Variants in TGM4 observed in about 807,000 individuals in gnomAD.
The protein encoded by TGM4 is protein-glutamine gamma-glutamyltransferase 4.
In TGM4, 61 loss-of-function variants were observed where a neutral mutation model predicts 76.3. That is an observed-to-expected ratio of 0.80 (90% CI 0.65 to 0.99). The LOEUF (loss-of-function observed/expected upper bound fraction) is 0.99, where lower values mean the gene tolerates loss of function less well. TGM4 is among the 50% of genes least tolerant of loss of function. The probability of loss-of-function intolerance (pLI) is 0.00; values close to 1 mark genes in which losing one functional copy is unlikely to be tolerated. For synonymous variants in TGM4, 337 were observed against 329.8 expected, an observed-to-expected ratio of 1.02 and a Z score of -0.24; for missense variants, 794 against 843.2, an observed-to-expected ratio of 0.94 and a Z score of 0.72.
At position 44,903,922 on chromosome 3, in the gene TGM4, C is replaced by G; in HGVS notation, c.1010C>G (p.Pro337Arg). ...HVWTDAWMKR[P>R]DLPKGYDGWQ... ...TGGACGGATGCCTGGATGAAGCGAC[C>G]GGATCTGCCCAAGGGCTACGACGGC... Residue 337 changes from proline to arginine, a missense_variant, in exon 9 of 14, where the codon CCG becomes CGG. Physicochemically the swap from Pro to Arg is moderately radical, Grantham distance 103 (BLOSUM62 -2). Transcript: ENST00000296125. The G allele has an allele frequency of 6.2e-7, 1 of 1,614,172 alleles. No homozygotes were observed. Among genetic ancestry groups the G allele is most frequent in the Non-Finnish European group, 8.5e-7 (1 of 1,180,024 alleles).
At chr3:44,895,530 G>C (rs531352495) in intron 5 of TGM4, among the ~76,000 whole-genome samples, 2 of 152,122 alleles carry the variant, frequency 1.3e-5, no homozygotes, top group African/African-American at 2.4e-5. Context: ...CTGTGGGGAG[G>C]GGGGACTGCA....
rs185474083 is a variant in TGM4 at position 44,887,723 on chromosome 3, G to A, written c.228G>A (p.Val76=). The A allele has an allele frequency of 6.2e-7, 1 of 1,614,166 alleles. No homozygotes were observed. Among genetic ancestry groups the A allele is most frequent in the East Asian group, 2.2e-5 (1 of 44,878 alleles). The part of the protein sequence containing the change: ...PNPSIAKHTL[V]VLDPRTPSDH... ...CTAGCATCGCCAAACACACCCTGGT[G>A]GTGCTCGACCCGAGGACGCCCTCAG... Residue 76 remains valine, a synonymous_variant, in exon 3 of 14, where the codon GTG becomes GTA. Coordinates refer to ENST00000296125, the MANE Select transcript of TGM4 (RefSeq NM_003241.4).
In TGM4 at chr3:44,901,734, C is replaced by T. The variant is rs747002064; in HGVS notation, c.832+36C>T. ...GATCCAGGGGCTGAGGGGAGAGGTC[C>T]CAAGGGAGGGACTCCCAGCCCCCAC... is the stretch of plus-strand genomic sequence containing the variant. On this transcript the variant is annotated intron_variant, in intron 7 of 13. Transcript: ENST00000296125. 6 of 1,612,694 alleles carry T rather than the reference C, an allele frequency of 3.7e-6. No homozygotes were observed. The Admixed American group carries it at 8.3e-5, about 22-fold the overall frequency.
chr3:44,896,896 TG>T, intron 6 of TGM4, 80 bp downstream of exon 6: 1 of 1,215,738 alleles, frequency 8.2e-7, no homozygotes, highest in Non-Finnish European at 1.2e-6. Context: ...TCATCTAAAC[TG>T]TAAGCTCTTT....
chr3:44,887,979 A>C (rs1272725450), intron 3 of TGM4, 184 bp downstream of exon 3: 1 of 618,974 alleles, frequency 1.6e-6, no homozygotes, highest in Non-Finnish European at 2.9e-6. Flanking sequence ...TCCTCCAAGC[A>C]CACAGTATCG....
At chr3:44,891,534 CACACACAA>C (rs1559613079) in intron 4 of TGM4, among the ~76,000 whole-genome samples, 1 of 152,046 alleles carries the variant, frequency 6.6e-6, no homozygotes, top group African/African-American at 2.4e-5. Flanking sequence ...CACACACACA[CACACACAA>C]GCTTTTTATT....
intron 8 of TGM4, among the ~76,000 whole-genome samples, chr3:44,902,973 GACGTTCTAGTTC>G (rs1448975425): frequency 6.6e-6 from 1 of 152,222 alleles, no homozygotes; most frequent in African/African-American, 2.4e-5. Context: ...ATACTGCTGA[GACGTTCTAGTTC>G]ACGTACCAAG....
chr3:44,890,474 T>G (rs1357585344), intron 3 of TGM4, 129 bp from the exon 4 acceptor site: 3 of 1,366,690 alleles, frequency 2.2e-6, no homozygotes, highest in Non-Finnish European at 3.0e-6. Context: ...GTCCTGACCA[T>G]TCCTTGTCTC....
intron 13 of TGM4, among the ~76,000 whole-genome samples, chr3:44,912,053 A>T (rs1700012850): frequency 6.6e-6 from 1 of 151,150 alleles, no homozygotes; most frequent in African/African-American, 2.4e-5. Flanking sequence ...CTGGTCTTGA[A>T]CTCCTGACCT....
At chr3:44,909,854 T>C (rs952396934) in intron 10 of TGM4, among the ~76,000 whole-genome samples, 2 of 152,254 alleles carry the variant, frequency 1.3e-5, no homozygotes, top group Non-Finnish European at 2.9e-5. Context: ...TCATTGCTTT[T>C]ATGGAGAAGC....
chr3:44,894,889 C>A (rs945842403), intron 5 of TGM4, among the ~76,000 whole-genome samples: 1 of 151,912 alleles, frequency 6.6e-6, no homozygotes, highest in East Asian at 1.9e-4. Flanking sequence ...CACATGAGGA[C>A]CAGAGGGAAA....
Position 44,901,626 on chromosome 3 carries a change from C to A in TGM4, c.760C>A (p.Gln254Lys). The A allele has an allele frequency of 1.2e-6, 2 of 1,614,204 alleles. No homozygotes were observed. Among genetic ancestry groups the A allele is most frequent in the East Asian group, 2.2e-5 (1 of 44,886 alleles). Residue 254 changes from glutamine (Q) to lysine (K), a missense_variant, in exon 7 of 14, where the codon CAG (glutamine) becomes AAG (lysine). By Grantham distance (53) the Gln-to-Lys change is moderately conservative. Coordinates refer to ENST00000296125, the MANE Select transcript of TGM4 (RefSeq NM_003241.4). ...YKWTGSAPILQQYYNTKQAVC... is the reference protein window; with the variant it reads ...YKWTGSAPILKQYYNTKQAVC... The stretch of plus-strand genomic sequence containing the variant: ...GTGGACAGGCAGTGCCCCGATCCTG[C>A]AGCAGTACTACAACACGAAGCAGGC...
At chr3:44,913,379 G>A (rs1182603695) in intron 13 of TGM4, among the ~76,000 whole-genome samples, 1 of 152,198 alleles carries the variant, frequency 6.6e-6, no homozygotes, top group Non-Finnish European at 1.5e-5. Flanking sequence ...GAAACCAGCT[G>A]GTTCACCCGT....
intron 3 of TGM4, among the ~76,000 whole-genome samples, chr3:44,889,992 C>G (rs552090962): frequency 6.6e-6 from 1 of 152,274 alleles, no homozygotes; most frequent in South Asian, 2.1e-4. Flanking sequence ...AACTTACAAT[C>G]ATGGCAGAAG....
intron 1 of TGM4, among the ~76,000 whole-genome samples, chr3:44,882,257 G>A (rs1232274704): frequency 6.6e-6 from 1 of 152,058 alleles, no homozygotes; most frequent in South Asian, 2.1e-4. Flanking sequence ...CAGCCCCAGT[G>A]TGGCTTCCTG....
At chr3:44,907,992 A>T (rs1295322574) in intron 10 of TGM4, among the ~76,000 whole-genome samples, 1 of 152,180 alleles carries the variant, frequency 6.6e-6, no homozygotes, top group Non-Finnish European at 1.5e-5. Context: ...ACGAGGGAGC[A>T]ATTTGCTATG....
chr3:44,907,105 C>T lies in TGM4; in HGVS notation c.1232C>T (p.Ser411Leu), dbSNP rs1251927662. 3 of 1,613,984 alleles carry T rather than the reference C, an allele frequency of 1.9e-6. No individual in the cohort carries two copies. Among genetic ancestry groups the T allele is most frequent in the Admixed American group, 1.7e-5 (1 of 60,000 alleles). ...VNGQEELHVISMETTSIGKNI... is the reference protein window; with the variant it reads ...VNGQEELHVILMETTSIGKNI... ...GGGCAGGAGGAGTTACACGTAATTT[C>T]AATGGAGACCACAAGCATCGGGAAA... Residue 411 changes from serine to leucine, a missense_variant, in exon 10 of 14, where the codon TCA becomes TTA. Coordinates refer to ENST00000296125, the MANE Select transcript of TGM4 (RefSeq NM_003241.4).
At chr3:44,893,906 C>T (rs942107449) in intron 5 of TGM4, among the ~76,000 whole-genome samples, 5 of 151,198 alleles carry the variant, frequency 3.3e-5, no homozygotes, top group African/African-American at 4.9e-5. Context: ...CCACAAAGGT[C>T]ACCCATGGCC....
At chr3:44,884,831 G>A (rs1442470513) in intron 1 of TGM4, among the ~76,000 whole-genome samples, 2 of 152,142 alleles carry the variant, frequency 1.3e-5, no homozygotes, top group Non-Finnish European at 2.9e-5. Context: ...AGGAAGGGGA[G>A]CAATCCCAGG....
Sources: allele counts gnomAD v4.1 joint callset (sites outside exome capture counted in the v4.1 genomes callset), GRCh38; gene constraint gnomAD v4.1.1; transcripts MANE v1.5; gene names NCBI Gene and HGNC (gene_info 2026-07-23, HGNC 2026-07-21).